ZFYVE26: variants seen among roughly 807,000 people sequenced by gnomAD.
ZFYVE26 encodes zinc finger FYVE-type containing 26, also known as zinc finger FYVE domain-containing protein 26.
In ZFYVE26, 181 loss-of-function variants were observed where a neutral mutation model predicts 276.5. The observed-to-expected ratio is 0.65, with a 90% CI of 0.58 to 0.74. The LOEUF (loss-of-function observed/expected upper bound fraction) is 0.74. ZFYVE26 is among the 30% of genes least tolerant of loss of function. The probability of loss-of-function intolerance (pLI) is 0.00; values close to 1 mark genes in which losing one functional copy is unlikely to be tolerated. For synonymous variants in ZFYVE26, 1,129 were observed against 1,203.1 expected (o/e 0.94, Z 1.27); for missense variants, 2,821 against 3,097.9 (o/e 0.91, Z 2.12).
At position 67,762,374 on chromosome 14, in the gene ZFYVE26, C is replaced by A. The variant is rs758538941; in HGVS notation, c.6198G>T (p.Trp2066Cys). ...TKTGLDTTGA[W>C]HAWGMACLKA... ...TGAGGCAGGCCATGCCCCAAGCATGCCACGCCCCGGTGGTATCAAGCCCAG... is the reference window on the plus strand; with the variant it reads ...TGAGGCAGGCCATGCCCCAAGCATGACACGCCCCGGTGGTATCAAGCCCAG... Residue 2066 changes from tryptophan to cysteine, a missense_variant, in exon 34 of 42, where the codon TGG becomes TGT. Trp to Cys is a radical substitution (Grantham distance 215). Transcript: ENST00000347230. 8 of 1,613,976 alleles carry A rather than the reference C, an allele frequency of 5.0e-6. No individual in the cohort carries two copies. The highest frequency in any genetic ancestry group is 6.8e-6 in the Non-Finnish European group (8 of 1,180,008).
rs1555395775 is a variant in ZFYVE26 at position 67,773,571 on chromosome 14, A to ACC, written c.5321-1363_5321-1362dup. Among the ~76,000 whole-genome samples, 97 of 146,698 alleles carry ACC rather than the reference A, an allele frequency of 6.6e-4. 1 individual carries two copies. The highest frequency in any genetic ancestry group is 1.1e-3 in the Non-Finnish European group (76 of 66,366). On this transcript the variant is annotated intron_variant, in intron 27 of 41. Transcript: ENST00000347230. ...AAAAGGCGCACACACACACACACAC[A>ACC]CCCCAAAGCTGCTCAGGCTGCCATT...
At chr14:67,805,781 C>A (rs1482200501) in intron 6 of ZFYVE26, among the ~76,000 whole-genome samples, 163 bp from the exon 7 acceptor site, 3 of 152,208 alleles carry the variant, frequency 2.0e-5, no homozygotes, top group African/African-American at 7.2e-5. Context: ...GTAATCCCAG[C>A]ACTTTGGGAG....
intron 3 of ZFYVE26, 77 bp from the exon 4 acceptor site, chr14:67,809,366 C>A: frequency 9.2e-7 from 1 of 1,084,400 alleles, no homozygotes; most frequent in Admixed American, 1.9e-5. Flanking sequence ...ATATTTCTGT[C>A]CAGTTAGTCT....
At chr14:67,813,258 G>A (rs1343884385) in intron 3 of ZFYVE26, among the ~76,000 whole-genome samples, 1 of 152,184 alleles carries the variant, frequency 6.6e-6, no homozygotes, top group Non-Finnish European at 1.5e-5. Flanking sequence ...GAGGTCAGAA[G>A]ATCTTGGTTT....
intron 2 of ZFYVE26, 60 bp downstream of exon 2, chr14:67,815,710 A>G: frequency 6.4e-7 from 1 of 1,567,554 alleles, no homozygotes; most frequent in Non-Finnish European, 8.8e-7. Context: ...ACCAATGCCC[A>G]AATATTGAAC....
intron 25 of ZFYVE26, among the ~76,000 whole-genome samples, chr14:67,777,028 A>G (rs1354502842): frequency 6.6e-6 from 1 of 152,234 alleles, no homozygotes; most frequent in Non-Finnish European, 1.5e-5. Flanking sequence ...AAAGGTAAGA[A>G]CTTATCTCAC....
At chr14:67,809,860 T>C (rs1179349914) in intron 3 of ZFYVE26, among the ~76,000 whole-genome samples, 1 of 146,616 alleles carries the variant, frequency 6.8e-6, no homozygotes, top group Non-Finnish European at 1.5e-5. Flanking sequence ...TCTCAGCTCA[T>C]TGCAACCTCC....
chr14:67,766,295 C>G lies in ZFYVE26; in HGVS notation c.5943G>C (p.Gln1981His), dbSNP rs1351855851. The G allele has an allele frequency of 2.5e-6, 4 of 1,613,932 alleles. No individual in the cohort carries two copies. The highest frequency in any genetic ancestry group is 1.7e-5 in the Admixed American group (1 of 60,024). ...DAGLLTDIMK[Q>H]LLFSAKMMFV... is the part of the protein sequence containing the mutation. ...ACATCATCTTGGCGCTGAACAGCAG[C>G]TGCTTCATGATGTCCGTGAGCAGCC... Residue 1981 changes from glutamine to histidine, a missense_variant, in exon 32 of 42, where the codon CAG becomes CAC. Transcript: ENST00000347230.
In ZFYVE26 at chr14:67,785,198, C is replaced by T. The variant is rs1413616312; in HGVS notation, c.3384G>A (p.Gln1128=). Residue 1128 remains glutamine (Q), a synonymous_variant, in exon 19 of 42, where the codon CAG becomes CAA. Coordinates refer to ENST00000347230, the MANE Select transcript of ZFYVE26 (RefSeq NM_015346.4). ...TCTTCTGGAGGAGCTGAGTCTGGAT[C>T]TGCACAGGGTGGGCCTCTGCCTCTG... The part of the protein sequence containing the change: ...KAPEAEAHPV[Q]IQTQLLQKNL... 6.2e-7 allele frequency: 1 copy of T among 1,614,130 alleles called. No homozygotes were observed. Among genetic ancestry groups the T allele is most frequent in the Non-Finnish European group, 8.5e-7 (1 of 1,179,988 alleles).
intron 30 of ZFYVE26, 92 bp downstream of exon 30, chr14:67,768,425 G>T: frequency 7.1e-7 from 1 of 1,408,118 alleles, no homozygotes; most frequent in Non-Finnish European, 1.0e-6. Context: ...TGCATAAGTT[G>T]GACAAGTATA....
rs771678709 is a variant in ZFYVE26, at chr14:67,786,216, C to T, written c.3037G>A (p.Val1013Ile). The T allele has an allele frequency of 6.3e-6, 10 of 1,599,272 alleles. No individual in the cohort carries two copies. The highest frequency in any genetic ancestry group is 5.1e-5 in the Admixed American group (3 of 58,750). ...CGAATGCCATCAGCATTTAGGAGTA[C>T]GTGGTCTATCCGTCGACCTGGAAAT... is the stretch of plus-strand genomic sequence containing the variant. Reference protein sequence around the residue: ...LERRGRRIDHVLLNADGIRGF... With the variant: ...LERRGRRIDHILLNADGIRGF... Residue 1013 changes from valine (V) to isoleucine (I), a missense_variant, in exon 17 of 42, where the codon GTA becomes ATA. Physicochemically the swap from Val to Ile is conservative, Grantham distance 29. Coordinates refer to ENST00000347230, the MANE Select transcript of ZFYVE26 (RefSeq NM_015346.4).
In ZFYVE26 at chr14:67,790,775, T is replaced by C. The variant is rs1186788102; in HGVS notation, c.2554-2A>G. ...CTTCAGGTTGAACGTGAACAGCACCTGTCATAGGAGAGGGAGTGTGTGGGC... is the reference window on the plus strand; with the variant it reads ...CTTCAGGTTGAACGTGAACAGCACCCGTCATAGGAGAGGGAGTGTGTGGGC... On this transcript the variant is annotated splice_acceptor_variant, in intron 14 of 41. Transcript: ENST00000347230. LOFTEE classifies it high-confidence loss of function. 10 of 1,613,872 alleles carry C rather than the reference T, an allele frequency of 6.2e-6. No homozygotes were observed. The highest frequency in any genetic ancestry group is 8.5e-6 in the Non-Finnish European group (10 of 1,179,846).
At position 67,789,535 on chromosome 14, in the gene ZFYVE26, A is replaced by T; in HGVS notation, c.2819T>A (p.Ile940Asn). 6 of 1,614,134 alleles carry T rather than the reference A, an allele frequency of 3.7e-6. No individual in the cohort carries two copies. The highest frequency in any genetic ancestry group is 5.1e-6 in the Non-Finnish European group (6 of 1,180,032). The change falls in exon 16 of 42, where the codon ATC becomes AAC. Residue 940 changes from isoleucine (I) to asparagine (N), a missense_variant. Transcript: ENST00000347230. The stretch of plus-strand genomic sequence containing the variant: ...CCAAAAGTCCTCCTGGAGCATGGGG[A>T]TGGGGTCTCCAGAGGTGTTGAGCAG... ...DKLLNTSGDPIPMLQEDFWIS... is the reference protein window; with the variant it reads ...DKLLNTSGDPNPMLQEDFWIS...
chr14:67,788,606 T>C (rs1418455818), intron 16 of ZFYVE26, among the ~76,000 whole-genome samples: 2 of 152,234 alleles, frequency 1.3e-5, no homozygotes, highest in Non-Finnish European at 2.9e-5. Context: ...GATTTTTCTT[T>C]GTATCCATTT....
At chr14:67,809,406 C>CTATTTTTTTT (rs1566899149) in intron 3 of ZFYVE26, 117 bp from the exon 4 acceptor site, 1 of 223,326 alleles carries the variant, frequency 4.5e-6, no homozygotes, top group Non-Finnish European at 7.2e-6. Context: ...AGATGAAGCA[C>CTATTTTTTTT]TCTTTTTTTT....
intron 3 of ZFYVE26, among the ~76,000 whole-genome samples, chr14:67,809,745 A>C (rs1396480929): frequency 6.7e-6 from 1 of 149,530 alleles, no homozygotes; most frequent in African/African-American, 2.5e-5. Context: ...TTTTAAACAC[A>C]ACATTCCTGG....
At position 67,772,125 on chromosome 14, in the gene ZFYVE26, T is replaced by A; in HGVS notation, c.5406A>T (p.Thr1802=). 6.2e-7 allele frequency: 1 copy of A among 1,612,782 alleles called. No individual in the cohort carries two copies. Among genetic ancestry groups the A allele is most frequent in the Non-Finnish European group, 8.5e-7 (1 of 1,179,732 alleles). ...GTACCCACTGGTGCCTGGCAGGGGG[T>A]GTCGCTGGGGGCACAAATTCCTGTG... ...QPSQEFVPPA[T]PPARHQWVPD... is the part of the protein sequence containing the mutation. The change falls in exon 28 of 42, where the codon ACA becomes ACT. Residue 1802 remains threonine, a synonymous_variant. Transcript: ENST00000347230.
chr14:67,750,327 TA>T, intron 41 of ZFYVE26: 3 of 154,440 alleles, frequency 1.9e-5, no homozygotes, highest in South Asian at 4.0e-4. Flanking sequence ...GGGGAGCGTG[TA>T]AGAAGCTCTT....
chr14:67,798,835 C>T (rs1315083417), intron 10 of ZFYVE26, among the ~76,000 whole-genome samples: 4 of 152,238 alleles, frequency 2.6e-5, no homozygotes. Context: ...TTTAAAAGTA[C>T]AGCTGGCCGG....
Sources: allele counts gnomAD v4.1 joint callset (sites outside exome capture counted in the v4.1 genomes callset), GRCh38; gene constraint gnomAD v4.1.1; transcripts MANE v1.5; gene names NCBI Gene and HGNC (gene_info 2026-07-23, HGNC 2026-07-21).